Variants in GALNT6 observed in about 807,000 individuals in gnomAD.
GALNT6 encodes the protein GalNAc transferase 6.
GALNT6 carries 51 observed loss-of-function variants against 65.9 expected under a neutral mutation model. The observed-to-expected ratio is 0.77, with a 90% CI of 0.62 to 0.98. The LOEUF (loss-of-function observed/expected upper bound fraction) is 0.98. Ranked by LOEUF, GALNT6 falls within the 50% of genes least tolerant of loss-of-function variation. The pLI is 0.00. For missense variants in GALNT6, 708 were observed against 803.3 expected (o/e 0.88, Z 1.43); for synonymous variants, 323 against 315.1 (o/e 1.02, Z -0.26).
chr12:51,375,224 C>T (rs1357171059), intron 4 of GALNT6, among the ~76,000 whole-genome samples: 2 of 152,086 alleles, frequency 1.3e-5, no homozygotes, highest in African/African-American at 4.8e-5. Context: ...TAAGCTTCAG[C>T]CACACCAGAT....
intron 4 of GALNT6, among the ~76,000 whole-genome samples, chr12:51,372,458 C>T (rs1442752081): frequency 6.6e-6 from 1 of 152,204 alleles, no homozygotes; most frequent in African/African-American, 2.4e-5. Context: ...ATTTTCCCAC[C>T]TCAGCCTCCC....
chr12:51,374,233 A>G, intron 4 of GALNT6, among the ~76,000 whole-genome samples: 1 of 150,504 alleles, frequency 6.6e-6, no homozygotes, highest in South Asian at 2.1e-4. Context: ...CAATGGTGCA[A>G]TCACAGCTCA....
intron 2 of GALNT6, among the ~76,000 whole-genome samples, chr12:51,383,916 A>AC (rs1947749383): frequency 6.6e-6 from 1 of 152,006 alleles, no homozygotes; most frequent in South Asian, 2.1e-4. Flanking sequence ...TCGCCCCTCC[A>AC]CCAGCCTTGG....
chr12:51,354,009 C>T lies in GALNT6; in HGVS notation c.*370G>A, dbSNP rs926674244. 12 of 175,276 alleles carry T rather than the reference C, an allele frequency of 6.8e-5. No individual in the cohort carries two copies. The highest frequency in any genetic ancestry group is 1.2e-4 in the Non-Finnish European group (10 of 84,874). The allele number at this position is 175,276 out of a possible 1,614,324, so 10.9% of individuals were successfully genotyped here. On this transcript the variant is annotated 3_prime_UTR_variant, in exon 12 of 12. Transcript: ENST00000356317. Reference sequence around the variant, plus strand: ...AACTCCTGGGCTCAAGCCATTCTCCCACATTGTCTTCCCAAAGTGCTAGGA... The same window carrying T: ...AACTCCTGGGCTCAAGCCATTCTCCTACATTGTCTTCCCAAAGTGCTAGGA...
At chr12:51,369,522 A>G (rs1350792911) in intron 4 of GALNT6, among the ~76,000 whole-genome samples, 2 of 152,032 alleles carry the variant, frequency 1.3e-5, no homozygotes, top group Non-Finnish European at 2.9e-5. Flanking sequence ...ACTCCTCACA[A>G]CTCAAGTCCA....
intron 8 of GALNT6, 72 bp downstream of exon 8, chr12:51,359,060 T>C: frequency 2.5e-6 from 3 of 1,200,342 alleles, no homozygotes; most frequent in Admixed American, 3.4e-5. Flanking sequence ...TCCCAGCCAT[T>C]AGGCCCATGA....
chr12:51,367,234 G>A (rs550583320), intron 4 of GALNT6, among the ~76,000 whole-genome samples: 1 of 152,196 alleles, frequency 6.6e-6, no homozygotes, highest in Admixed American at 6.5e-5. Flanking sequence ...TCCAGCCTGG[G>A]CAACAAGAGC....
At position 51,365,441 on chromosome 12, in the gene GALNT6, A is replaced by G; in HGVS notation, c.803T>C (p.Leu268Pro). 1 of 1,610,068 alleles carries G rather than the reference A, an allele frequency of 6.2e-7. No homozygotes were observed. Among genetic ancestry groups the G allele is most frequent in the Non-Finnish European group, 8.5e-7 (1 of 1,178,514 alleles). ...GCCCTGGTACTCACAGTGGGCATCC[A>G]GGAACGTGAGCACCTCCGCCTGTGC... is the stretch of plus-strand genomic sequence containing the variant. ...SVAQAEVLTF[L>P]DAHCECFHGW... Residue 268 changes from leucine to proline, a missense_variant, in exon 5 of 12, where the codon CTG (leucine) becomes CCG (proline). Physicochemically the swap from Leu to Pro is moderately conservative, Grantham distance 98. Coordinates refer to ENST00000356317, the MANE Select transcript of GALNT6 (RefSeq NM_007210.4).
intron 5 of GALNT6, among the ~76,000 whole-genome samples, chr12:51,365,133 C>T (rs779024070): frequency 2.0e-5 from 3 of 152,190 alleles, no homozygotes; most frequent in African/African-American, 4.8e-5. Context: ...GGGCCAAGCT[C>T]AGAGCAAGGT....
In GALNT6 at chr12:51,358,148, C is replaced by G. The variant is rs751738257; in HGVS notation, c.1482G>C (p.Thr494=). ...GACTTACGGCACCATAGAAGGTGGG[C>G]GTCAGGTCAGGAACAAACATCTCTG... The part of the protein sequence containing the change: ...VYPEMFVPDL[T]PTFYGAIKNL... Residue 494 remains threonine, a synonymous_variant, in exon 9 of 12, where the codon ACG becomes ACC. Coordinates refer to ENST00000356317, the MANE Select transcript of GALNT6 (RefSeq NM_007210.4). 15 of 1,613,634 alleles carry G rather than the reference C, an allele frequency of 9.3e-6. No individual in the cohort carries two copies. The highest frequency in any genetic ancestry group is 1.3e-5 in the African/African-American group (1 of 74,960).
intron 8 of GALNT6, 113 bp from the exon 9 acceptor site, chr12:51,358,374 C>T: frequency 1.6e-6 from 2 of 1,218,268 alleles, no homozygotes; most frequent in Non-Finnish European, 2.3e-6. Context: ...AATCTCGGCT[C>T]ACTGCAACCT....
At chr12:51,375,126 TCGG>T (rs1438224133) in intron 4 of GALNT6, among the ~76,000 whole-genome samples, 1 of 152,150 alleles carries the variant, frequency 6.6e-6, no homozygotes, top group Non-Finnish European at 1.5e-5. Flanking sequence ...TCCACCCGCC[TCGG>T]CCTCCCTAAG....
At position 51,365,455 on chromosome 12, in the gene GALNT6, C is replaced by G; in HGVS notation, c.789G>C (p.Glu263Asp). Residue 263 changes from glutamate to aspartate, a missense_variant, in exon 5 of 12, where the codon GAG becomes GAC. By Grantham distance (45) the Glu-to-Asp change is conservative. Coordinates refer to ENST00000356317, the MANE Select transcript of GALNT6 (RefSeq NM_007210.4). ...AGTGGGCATCCAGGAACGTGAGCAC[C>G]TCCGCCTGTGCCACGCTGGCCCCCA... Reference protein sequence around the residue: ...RLLGASVAQAEVLTFLDAHCE... With the variant: ...RLLGASVAQADVLTFLDAHCE... The G allele has an allele frequency of 6.2e-7, 1 of 1,611,686 alleles. No homozygotes were observed. The highest frequency in any genetic ancestry group is 8.5e-7 in the Non-Finnish European group (1 of 1,179,728).
At position 51,364,146 on chromosome 12, in the gene GALNT6, G is replaced by T; in HGVS notation, c.1024C>A (p.Arg342Ser). 1.2e-6 allele frequency: 2 copies of T among 1,613,968 alleles called. No individual in the cohort carries two copies. Among genetic ancestry groups the T allele is most frequent in the South Asian group, 1.1e-5 (1 of 91,082 alleles). Reference sequence around the variant, plus strand: ...TTGATGGGGTAGGTTTCATCCTTGCGCCTCTGCTTCTCATGTGGAGGAAGT... The same window carrying T: ...TTGATGGGGTAGGTTTCATCCTTGCTCCTCTGCTTCTCATGTGGAGGAAGT... ...ETLPPHEKQR[R>S]KDETYPIKSP... The change falls in exon 6 of 12, where the codon CGC (arginine) becomes AGC (serine). Residue 342 changes from arginine to serine, a missense_variant. Coordinates refer to ENST00000356317, the MANE Select transcript of GALNT6 (RefSeq NM_007210.4).
rs752073843 is a variant in GALNT6 at position 51,354,359 on chromosome 12, C to A, written c.*20G>T. On this transcript the variant is annotated 3_prime_UTR_variant, in exon 12 of 12. Coordinates refer to ENST00000356317, the MANE Select transcript of GALNT6 (RefSeq NM_007210.4). Reference sequence around the variant, plus strand: ...TTCCTGAGGAGCTTGTGGGGGCTCTCTCTGGGGATGATCTGGGTCCTAGAC... The same window carrying A: ...TTCCTGAGGAGCTTGTGGGGGCTCTATCTGGGGATGATCTGGGTCCTAGAC... 2 of 1,351,050 alleles carry A rather than the reference C, an allele frequency of 1.5e-6. No homozygotes were observed. Among genetic ancestry groups the A allele is most frequent in the East Asian group, 5.3e-5 (2 of 38,032 alleles). The allele number at this position is 1,351,050 out of a possible 1,614,324, so 83.7% of individuals were successfully genotyped here. A position where few individuals can be genotyped will look rare whatever the true frequency, so the allele number is the denominator to read the frequency against.
At chr12:51,373,746 G>A (rs1947363486) in intron 4 of GALNT6, among the ~76,000 whole-genome samples, 1 of 152,182 alleles carries the variant, frequency 6.6e-6, no homozygotes, top group Admixed American at 6.5e-5. Flanking sequence ...TCACTGCCAA[G>A]CTCCTCCCAT....
At chr12:51,389,932 G>T (rs922779031) in intron 2 of GALNT6, among the ~76,000 whole-genome samples, 1 of 152,100 alleles carries the variant, frequency 6.6e-6, no homozygotes, top group African/African-American at 2.4e-5. Context: ...TTACTGAGGT[G>T]AGGTCATCTT....
rs769940942 is a variant in GALNT6, at chr12:51,377,238, G to A, written c.621C>T (p.Ile207=). Residue 207 remains isoleucine, a synonymous_variant, in exon 4 of 12, where the codon ATC becomes ATT. Coordinates refer to ENST00000356317, the MANE Select transcript of GALNT6 (RefSeq NM_007210.4). ...VYSVLHTTPA[I]LLKEIILVDD... Reference sequence around the variant, plus strand: ...CCACCAGTATGATCTCCTTGAGCAAGATGGCAGGGGTGGTGTGTAGGACGC... The same window carrying A: ...CCACCAGTATGATCTCCTTGAGCAAAATGGCAGGGGTGGTGTGTAGGACGC... 4.3e-6 allele frequency: 7 copies of A among 1,613,928 alleles called. No homozygotes were observed. Among genetic ancestry groups the A allele is most frequent in the South Asian group, 1.1e-5 (1 of 91,058 alleles).
chr12:51,370,996 C>T (rs1947274550), intron 4 of GALNT6, among the ~76,000 whole-genome samples: 2 of 152,060 alleles, frequency 1.3e-5, no homozygotes, highest in South Asian at 4.2e-4. Flanking sequence ...ATGAAAAATC[C>T]AAACACTGTC....
Sources: allele counts gnomAD v4.1 joint callset (sites outside exome capture counted in the v4.1 genomes callset), GRCh38; gene constraint gnomAD v4.1.1; transcripts MANE v1.5; gene names NCBI Gene and HGNC (gene_info 2026-07-23, HGNC 2026-07-21).